TRIO: variants seen among roughly 807,000 people sequenced by gnomAD.
The protein encoded by TRIO is trio Rho guanine nucleotide exchange factor.
In TRIO, 58 loss-of-function variants were observed where a neutral mutation model predicts 351.9. The ratio of observed to expected loss-of-function variants is 0.16; its 90% CI spans 0.13 to 0.21. TRIO has a LOEUF of 0.21. TRIO is among the 10% of genes least tolerant of loss of function. The probability of loss-of-function intolerance (pLI) is 1.00; values close to 1 mark genes in which losing one functional copy is unlikely to be tolerated. For missense variants in TRIO, 3,201 were observed against 4,027.8 expected (o/e 0.79, Z 5.56); for synonymous variants, 1,758 against 1,595.7 (o/e 1.10, Z -2.42).
At chr5:14,481,345 A>G in intron 44 of TRIO, 61 bp downstream of exon 44, 1 of 1,600,070 alleles carries the variant, frequency 6.2e-7, no homozygotes, top group Non-Finnish European at 8.5e-7. Context: ...CTAATCCCCA[A>G]GTGTCTCCTA....
chr5:14,409,570 C>T (rs1749007397), intron 33 of TRIO, among the ~76,000 whole-genome samples: 1 of 151,826 alleles, frequency 6.6e-6, no homozygotes, highest in Non-Finnish European at 1.5e-5. Flanking sequence ...CGCGGTGGCT[C>T]ACGCCTGTAA....
At chr5:14,488,340 C>T (rs2126641624) in intron 48 of TRIO, 80 bp downstream of exon 48, 9 of 1,486,006 alleles carry the variant, frequency 6.1e-6, no homozygotes, top group Non-Finnish European at 8.1e-6. Context: ...CGGCTGTTCT[C>T]ACTAACTCGG....
rs1414909559 is a variant in TRIO at position 14,473,998 on chromosome 5, A to G, written c.5984A>G (p.Tyr1995Cys). The change falls in exon 40 of 57, where the codon TAC (tyrosine) becomes TGC (cysteine). Residue 1995 changes from tyrosine to cysteine, a missense_variant. Coordinates refer to ENST00000344204, the MANE Select transcript of TRIO (RefSeq NM_007118.4). ...VRDLGYVVEG[Y>C]MALMKEDGVP... is the part of the protein sequence containing the mutation. ...ATCATAACTGTTTAATTGTAGGGCT[A>G]CATGGCACTTATGAAAGAAGATGGT... 1 of 1,613,046 alleles carries G rather than the reference A, an allele frequency of 6.2e-7. No homozygotes were observed. The highest frequency in any genetic ancestry group is 1.7e-5 in the Admixed American group (1 of 60,022).
chr5:14,256,629 G>A (rs1795036971), intron 1 of TRIO, among the ~76,000 whole-genome samples: 1 of 152,178 alleles, frequency 6.6e-6, no homozygotes, highest in Non-Finnish European at 1.5e-5. Context: ...TTTCATTTTA[G>A]TAGCTGAAAG....
At chr5:14,382,751 G>A (rs938737094) in intron 21 of TRIO, among the ~76,000 whole-genome samples, 1 of 152,112 alleles carries the variant, frequency 6.6e-6, no homozygotes, top group Non-Finnish European at 1.5e-5. Context: ...GGGCGTGTGT[G>A]TGTCTGTGTG....
chr5:14,144,582 C>T (rs1787381454), intron 1 of TRIO, among the ~76,000 whole-genome samples: 1 of 152,086 alleles, frequency 6.6e-6, no homozygotes, highest in Non-Finnish European at 1.5e-5. Flanking sequence ...GAACGTGGCC[C>T]CGGGGGGGCG....
intron 11 of TRIO, among the ~76,000 whole-genome samples, chr5:14,354,647 T>G (rs892450452): frequency 5.9e-5 from 9 of 152,270 alleles, no homozygotes; most frequent in African/African-American, 1.9e-4. Context: ...TTTTCAGATG[T>G]ACATTTGCTT....
At chr5:14,469,536 G>A (rs544641548) in intron 37 of TRIO, among the ~76,000 whole-genome samples, 18 of 152,346 alleles carry the variant, frequency 1.2e-4, no homozygotes, top group Admixed American at 1.0e-3. Flanking sequence ...ACCAAACCCA[G>A]AGAGTTTCAC....
At chr5:14,301,075 G>A (rs929462332) in intron 7 of TRIO, among the ~76,000 whole-genome samples, 6 of 152,090 alleles carry the variant, frequency 3.9e-5, no homozygotes, top group Non-Finnish European at 8.8e-5. Flanking sequence ...GAAATGAGTG[G>A]CTCCCAGATT....
At chr5:14,147,907 T>C (rs541105537) in intron 1 of TRIO, among the ~76,000 whole-genome samples, 7 of 152,316 alleles carry the variant, frequency 4.6e-5, no homozygotes, top group Non-Finnish European at 1.0e-4. Context: ...AAATAGAAAC[T>C]GAAGGAAATG....
At chr5:14,368,456 C>T (rs540928705) in intron 16 of TRIO, among the ~76,000 whole-genome samples, 3 of 152,266 alleles carry the variant, frequency 2.0e-5, no homozygotes, top group East Asian at 1.9e-4. Flanking sequence ...ACCCTACAAC[C>T]GAGACCCATT....
At chr5:14,207,262 T>TACACACACACAC (rs56915481) in intron 1 of TRIO, among the ~76,000 whole-genome samples, 18,461 of 45,676 alleles carry the variant, frequency 0.4, 6,195 homozygotes, top group East Asian at 0.77. Context: ...AGATGGTCTC[T>TACACACACACAC]ACACACACAC....
chr5:14,279,052 C>T (rs1315085414), intron 2 of TRIO, among the ~76,000 whole-genome samples: 1 of 152,184 alleles, frequency 6.6e-6, no homozygotes, highest in Non-Finnish European at 1.5e-5. Flanking sequence ...AAAATCACAT[C>T]AGAAAGTGTA....
chr5:14,250,014 G>A (rs770818390), intron 1 of TRIO, among the ~76,000 whole-genome samples: 9 of 152,192 alleles, frequency 5.9e-5, no homozygotes, highest in Non-Finnish European at 1.2e-4. Flanking sequence ...TGACAAATAA[G>A]AATTTGTTAG....
chr5:14,175,940 C>T (rs1310386954), intron 1 of TRIO, among the ~76,000 whole-genome samples: 2 of 152,194 alleles, frequency 1.3e-5, no homozygotes, highest in Non-Finnish European at 2.9e-5. Flanking sequence ...TGAAGAATAT[C>T]TGAAGGTTAA....
chr5:14,249,311 A>T (rs953135962), intron 1 of TRIO, among the ~76,000 whole-genome samples: 3 of 152,304 alleles, frequency 2.0e-5, no homozygotes, highest in African/African-American at 7.2e-5. Context: ...TAGGAAGCTG[A>T]TGAGAGCCCG....
chr5:14,310,990 C>T (rs1738874278), intron 8 of TRIO, among the ~76,000 whole-genome samples: 1 of 152,222 alleles, frequency 6.6e-6, no homozygotes, highest in Admixed American at 6.5e-5. Flanking sequence ...CCAGCTGTCA[C>T]TTCCATCACA....
intron 1 of TRIO, among the ~76,000 whole-genome samples, chr5:14,250,140 T>C (rs1794655620): frequency 6.6e-6 from 1 of 152,228 alleles, no homozygotes; most frequent in African/African-American, 2.4e-5. Flanking sequence ...AGCGCAGCCC[T>C]GTGAGGTGCT....
intron 7 of TRIO, among the ~76,000 whole-genome samples, chr5:14,300,802 A>C (rs1428073996): frequency 6.6e-6 from 1 of 152,204 alleles, no homozygotes; most frequent in Non-Finnish European, 1.5e-5. Context: ...ACATAATAAC[A>C]AACTGTTTCA....
Sources: allele counts gnomAD v4.1 joint callset (sites outside exome capture counted in the v4.1 genomes callset), GRCh38; gene constraint gnomAD v4.1.1; transcripts MANE v1.5; gene names NCBI Gene and HGNC (gene_info 2026-07-23, HGNC 2026-07-21).